FAM184B: variants seen among roughly 807,000 people sequenced by gnomAD.
FAM184B encodes protein FAM184B.
In FAM184B, 111 loss-of-function variants were observed where a neutral mutation model predicts 135.9. The observed-to-expected ratio is 0.82, with a 90% CI of 0.70 to 0.96. FAM184B has a LOEUF of 0.96. Among genes scored for constraint, FAM184B ranks in the 40% least tolerant of loss-of-function variants. The pLI is 0.00. For missense variants in FAM184B, 1,375 were observed against 1,323.9 expected, an observed-to-expected ratio of 1.04 and a Z score of -0.60; for synonymous variants, 552 against 524.8, an observed-to-expected ratio of 1.05 and a Z score of -0.71.
intron 7 of FAM184B, among the ~76,000 whole-genome samples, chr4:17,669,587 G>A (rs1406319415): frequency 6.6e-6 from 1 of 152,174 alleles, no homozygotes; most frequent in African/African-American, 2.4e-5. Context: ...CAGTAGCTAG[G>A]ACAAACGTGA....
chr4:17,689,938 C>G (rs1016078782), intron 6 of FAM184B, among the ~76,000 whole-genome samples: 1 of 151,972 alleles, frequency 6.6e-6, no homozygotes, highest in Non-Finnish European at 1.5e-5. Context: ...CACCTGAGGT[C>G]AGGAGTTTGA....
chr4:17,750,385 C>T (rs898994967), intron 1 of FAM184B, among the ~76,000 whole-genome samples: 21 of 152,174 alleles, frequency 1.4e-4, no homozygotes, highest in Non-Finnish European at 2.1e-4. Context: ...ATCACAGATA[C>T]GCAAAAAATG....
At chr4:17,730,455 C>T (rs568524068) in intron 1 of FAM184B, among the ~76,000 whole-genome samples, 44 of 152,216 alleles carry the variant, frequency 2.9e-4, no homozygotes, top group Middle Eastern at 3.4e-3. Context: ...CTCCAAGACA[C>T]ATAATTGTCA....
intron 5 of FAM184B, among the ~76,000 whole-genome samples, chr4:17,703,503 A>G (rs1717034568): frequency 6.6e-6 from 1 of 151,726 alleles, no homozygotes; most frequent in Non-Finnish European, 1.5e-5. Context: ...GTCTCAAAAA[A>G]AAACAAAAAA....
intron 15 of FAM184B, 46 bp from the exon 16 acceptor site, chr4:17,635,159 C>T (rs1715088507): frequency 6.9e-7 from 1 of 1,451,188 alleles, no homozygotes; most frequent in African/African-American, 1.4e-5. Context: ...AACCACACAG[C>T]ACTGGGTTTG....
chr4:17,684,243 A>G (rs1716523190), intron 7 of FAM184B, among the ~76,000 whole-genome samples: 1 of 147,724 alleles, frequency 6.8e-6, no homozygotes, highest in South Asian at 2.1e-4. Context: ...ATTATTATTC[A>G]TGAGAGTATC....
Position 17,781,608 on chromosome 4 carries a change from T to C in FAM184B, c.-309A>G. On this transcript the variant is annotated 5_prime_UTR_variant, in exon 1 of 18. Coordinates refer to ENST00000265018, the MANE Select transcript of FAM184B (RefSeq NM_015688.2). This position sits in a 1 kb window ranked among gnomAD's most constrained non-coding sequence, Gnocchi z 6.5. ...GATCAGTCTGCAGTTCCCCAGCCAG[T>C]GCAGGTTTCGTGTGCAAGGGGAGAG... The C allele has an allele frequency of 3.4e-6, 1 of 290,832 alleles. No individual in the cohort carries two copies. Among genetic ancestry groups the C allele is most frequent in the Non-Finnish European group, 6.4e-6 (1 of 157,354 alleles). The allele number at this position is 290,832 out of a possible 1,614,324, so 18.0% of individuals were successfully genotyped here.
Position 17,779,634 on chromosome 4 carries a change from A to G in FAM184B, c.141+1525T>C, listed in dbSNP as rs75223208. 5.7e-3 allele frequency among the ~76,000 whole-genome samples: 873 copies of G among 152,332 alleles called. 7 individuals are homozygous for G. Among genetic ancestry groups the G allele is most frequent in the African/African-American group, 0.02 (838 of 41,568 alleles). On this transcript the variant is annotated intron_variant, in intron 1 of 17. Transcript: ENST00000265018. ...AATTGTTATGCCATCAACATTCAGC[A>G]TAGCAGCTGGCACATAGTAGGAATT...
chr4:17,651,537 CAAA>C (rs751455835), intron 11 of FAM184B, among the ~76,000 whole-genome samples: 26 of 43,112 alleles, frequency 6.0e-4, no homozygotes, highest in African/African-American at 2.2e-3. Context: ...GACTCTGTCT[CAAA>C]AAAAAAAAAA....
At chr4:17,728,699 C>T (rs551419996) in intron 1 of FAM184B, among the ~76,000 whole-genome samples, 1 of 152,232 alleles carries the variant, frequency 6.6e-6, no homozygotes, top group South Asian at 2.1e-4. Flanking sequence ...GGTGGTATTT[C>T]AGCATGTTAG....
chr4:17,704,272 A>G (rs1717057633), intron 5 of FAM184B, among the ~76,000 whole-genome samples: 1 of 152,164 alleles, frequency 6.6e-6, no homozygotes, highest in African/African-American at 2.4e-5. Context: ...ATCTTCACAT[A>G]TGTTACTTAC....
intron 11 of FAM184B, among the ~76,000 whole-genome samples, chr4:17,651,297 G>C (rs1213647063): frequency 1.3e-5 from 2 of 152,118 alleles, no homozygotes; most frequent in Non-Finnish European, 2.9e-5. Context: ...CAGCACTTTA[G>C]GAGGCTGAAG....
intron 1 of FAM184B, among the ~76,000 whole-genome samples, chr4:17,755,251 A>G (rs1718392171): frequency 6.6e-6 from 1 of 152,362 alleles, no homozygotes; most frequent in African/African-American, 2.4e-5. Context: ...CTAGGTCTTC[A>G]TAAAAAAGCC....
intron 11 of FAM184B, among the ~76,000 whole-genome samples, chr4:17,650,435 A>G (rs1247454663): frequency 6.6e-6 from 1 of 152,142 alleles, no homozygotes; most frequent in Non-Finnish European, 1.5e-5. Flanking sequence ...TCTTCTTGGG[A>G]CTGGTGCTGA....
chr4:17,652,054 A>G (rs925617895), intron 11 of FAM184B, among the ~76,000 whole-genome samples: 2 of 152,032 alleles, frequency 1.3e-5, no homozygotes, highest in African/African-American at 2.4e-5. Flanking sequence ...ATGCAATAAT[A>G]ATGATGATGA....
rs746656665 is a variant in FAM184B, at chr4:17,632,642, GTTT to G, written c.3090-20_3090-18del. On this transcript the variant is annotated intron_variant, in intron 17 of 17. Transcript: ENST00000265018. ...TCTGGGGTCCTAAAAGCAAAAAAAG[GTTT>G]TTTTATATGGTTTTGAAAACTATGC... 1.7e-5 allele frequency: 18 copies of G among 1,055,972 alleles called. No individual in the cohort carries two copies. Among genetic ancestry groups the G allele is most frequent in the Non-Finnish European group, 2.4e-5 (17 of 719,484 alleles). 65.4% of individuals were successfully genotyped at this position (1,055,972 alleles called of 1,614,324 possible).
intron 8 of FAM184B, among the ~76,000 whole-genome samples, chr4:17,662,914 T>C (rs1164006621): frequency 6.6e-6 from 1 of 152,204 alleles, no homozygotes; most frequent in Non-Finnish European, 1.5e-5. Flanking sequence ...CATGTCCATG[T>C]GCATATGAGC....
At chr4:17,659,530 A>C (rs1219413963) in intron 9 of FAM184B, among the ~76,000 whole-genome samples, 1 of 152,004 alleles carries the variant, frequency 6.6e-6, no homozygotes, top group Non-Finnish European at 1.5e-5. Flanking sequence ...TCTGTCACCC[A>C]GGCTGGAGTG....
At chr4:17,651,600 A>C (rs113955396) in intron 11 of FAM184B, among the ~76,000 whole-genome samples, 3,493 of 150,240 alleles carry the variant, frequency 0.023, 134 homozygotes, top group African/African-American at 0.081. Flanking sequence ...GTAACAGGGA[A>C]CACTTAGATA....
Sources: gnomAD v4.1 joint callset for allele counts (sites outside exome capture counted in the v4.1 genomes callset) on GRCh38, gnomAD v4.1.1 for gene constraint, Gnocchi (gnomAD v3.1) non-coding constraint, MANE v1.5 for transcripts, NCBI Gene and HGNC (gene_info 2026-07-23, HGNC 2026-07-21) for gene names.